Variants in MOCOS observed in about 807,000 individuals in gnomAD.
MOCOS encodes the protein molybdenum cofactor sulfurase.
MOCOS carries 86 observed loss-of-function variants against 83.6 expected under a neutral mutation model. The observed-to-expected ratio is 1.03, with a 90% CI of 0.86 to 1.23. The LOEUF is 1.23. Among genes scored for constraint, MOCOS ranks in the 50% most tolerant of loss-of-function variants. The pLI, the probability that MOCOS is intolerant of heterozygous loss-of-function variation, is 0.00. For missense variants in MOCOS, 1,120 were observed against 1,126.9 expected, an observed-to-expected ratio of 0.99 and a Z score of 0.09; for synonymous variants, 445 against 434.7, an observed-to-expected ratio of 1.02 and a Z score of -0.29.
intron 9 of MOCOS, among the ~76,000 whole-genome samples, chr18:36,245,190 T>C (rs1880373700): frequency 6.6e-6 from 1 of 152,084 alleles, no homozygotes; most frequent in Non-Finnish European, 1.5e-5. Flanking sequence ...TGAATACCTT[T>C]TTTTTATTGT....
chr18:36,228,554 A>G (rs2091526363), intron 9 of MOCOS, among the ~76,000 whole-genome samples: 1 of 152,228 alleles, frequency 6.6e-6, no homozygotes, highest in African/African-American at 2.4e-5. Context: ...GCTGGAGGCC[A>G]TTAGCCTTAG....
chr18:36,200,604 G>A (rs2091409848), intron 4 of MOCOS, among the ~76,000 whole-genome samples: 1 of 152,190 alleles, frequency 6.6e-6, no homozygotes, highest in Non-Finnish European at 1.5e-5. Flanking sequence ...AGAGATAAAA[G>A]GCCCTCATGG....
At position 36,215,894 on chromosome 18, in the gene MOCOS, G is replaced by T. The variant is rs1436601626; in HGVS notation, c.1714G>T (p.Ala572Ser). The T allele has an allele frequency of 1.2e-6, 2 of 1,614,066 alleles. No homozygotes were observed. The highest frequency in any genetic ancestry group is 1.7e-6 in the Non-Finnish European group (2 of 1,179,924). ...RTQPTPSEKA[A>S]GVLEGALGPH... ...CCAGCCGACTCCTTCAGAGAAAGCT[G>T]CAGGAGTCCTGGAGGGGGCCCTTGG... The change falls in exon 8 of 15, where the codon GCA becomes TCA. Residue 572 changes from alanine (A) to serine (S), a missense_variant. Transcript: ENST00000261326.
chr18:36,204,972 G>A (rs1295284726), intron 5 of MOCOS, 105 bp from the exon 6 acceptor site: 2 of 1,016,164 alleles, frequency 2.0e-6, no homozygotes, highest in African/African-American at 4.1e-5. Context: ...CAGCCTGGGT[G>A]ACAGAGTGAG....
intron 9 of MOCOS, among the ~76,000 whole-genome samples, chr18:36,241,192 A>C (rs535268429): frequency 6.6e-6 from 1 of 152,334 alleles, no homozygotes; most frequent in East Asian, 1.9e-4. Context: ...TCATTTCAGC[A>C]TTAACTCAAA....
At chr18:36,221,508 T>C (rs1335545625) in intron 9 of MOCOS, among the ~76,000 whole-genome samples, 1 of 152,208 alleles carries the variant, frequency 6.6e-6, no homozygotes, top group Non-Finnish European at 1.5e-5. Context: ...TCCTGAGTCT[T>C]ACTCCTCCTC....
intron 4 of MOCOS, among the ~76,000 whole-genome samples, chr18:36,201,327 G>A (rs549184482): frequency 1.3e-5 from 2 of 152,346 alleles, no homozygotes; most frequent in African/African-American, 4.8e-5. Flanking sequence ...GAGGGGACAT[G>A]TGACTTGTTC....
rs1246789036 is a variant in MOCOS at position 36,191,032 on chromosome 18, G to GAA, written c.142+3355_142+3356dup. 6.6e-4 allele frequency among the ~76,000 whole-genome samples: 84 copies of GAA among 126,774 alleles called. 2 individuals carry two copies. The highest frequency in any genetic ancestry group is 2.0e-3 in the African/African-American group (64 of 31,898). The allele number at this position is 126,774 out of a possible 152,430, so 83.2% of individuals were successfully genotyped here. A position where few individuals can be genotyped will look rare whatever the true frequency, so the allele number is the denominator to read the frequency against. ...AGACCCTATCTCTCAAAAAAAAAAA[G>GAA]AAAAAGAAAAAAAAGTGTGTAGCAC... On this transcript the variant is annotated intron_variant, in intron 1 of 14. Transcript: ENST00000261326.
intron 2 of MOCOS, among the ~76,000 whole-genome samples, chr18:36,197,461 T>TA (rs397707835): frequency 6.6e-6 from 1 of 150,646 alleles, no homozygotes; most frequent in Non-Finnish European, 1.5e-5. Context: ...TTTTTTTTTT[T>TA]AACTATATCA....
chr18:36,227,830 G>T (rs968606083), intron 9 of MOCOS, among the ~76,000 whole-genome samples: 1 of 152,166 alleles, frequency 6.6e-6, no homozygotes, highest in African/African-American at 2.4e-5. Flanking sequence ...AGCAAAAATT[G>T]ACAAATGGGA....
At chr18:36,225,899 G>A (rs1437986254) in intron 9 of MOCOS, among the ~76,000 whole-genome samples, 1 of 148,562 alleles carries the variant, frequency 6.7e-6, no homozygotes, top group African/African-American at 2.5e-5. Flanking sequence ...TCAGAAACTT[G>A]ATATGATTTC....
At chr18:36,200,599 T>G (rs543577158) in intron 4 of MOCOS, among the ~76,000 whole-genome samples, 3 of 152,170 alleles carry the variant, frequency 2.0e-5, no homozygotes, top group East Asian at 3.9e-4. Flanking sequence ...ACAGGAGAGA[T>G]AAAAGGCCCT....
At chr18:36,213,563 G>T in intron 7 of MOCOS, 81 bp downstream of exon 7, 1 of 1,114,594 alleles carries the variant, frequency 9.0e-7, no homozygotes, top group Non-Finnish European at 1.4e-6. Context: ...CTGGGGTGGG[G>T]GCTGCTGCTG....
chr18:36,257,257 T>A (rs1239320112), intron 12 of MOCOS, among the ~76,000 whole-genome samples, 184 bp downstream of exon 12: 1 of 152,218 alleles, frequency 6.6e-6, no homozygotes, highest in East Asian at 1.9e-4. Context: ...CATTCATCTT[T>A]ATAGAGGGTT....
At chr18:36,213,764 A>G (rs935009776) in intron 7 of MOCOS, among the ~76,000 whole-genome samples, 1 of 151,792 alleles carries the variant, frequency 6.6e-6, no homozygotes, top group South Asian at 2.1e-4. Context: ...CCCTGTCTCT[A>G]CTAAAGATGC....
At chr18:36,191,194 C>G (rs1198830175) in intron 1 of MOCOS, among the ~76,000 whole-genome samples, 1 of 152,024 alleles carries the variant, frequency 6.6e-6, no homozygotes, top group Non-Finnish European at 1.5e-5. Flanking sequence ...CCTATACAGC[C>G]TGTGCAACTG....
chr18:36,188,923 T>C (rs1184872301), intron 1 of MOCOS, among the ~76,000 whole-genome samples: 4 of 110,050 alleles, frequency 3.6e-5, no homozygotes. Flanking sequence ...GTATTCTCTC[T>C]CTCTCTCTCT....
At chr18:36,222,930 T>C (rs77923892) in intron 9 of MOCOS, among the ~76,000 whole-genome samples, 2,292 of 152,230 alleles carry the variant, frequency 0.015, 34 homozygotes, top group Middle Eastern at 0.027. Flanking sequence ...GGTTATTTGG[T>C]TTTCTGTTTG....
In MOCOS at chr18:36,220,090, A is replaced by T. The variant is rs1448429070; in HGVS notation, c.1833A>T (p.Leu611=). The change falls in exon 9 of 15, where the codon CTA becomes CTT. Residue 611 remains leucine (L), a synonymous_variant. Coordinates refer to ENST00000261326, the MANE Select transcript of MOCOS (RefSeq NM_017947.4). The part of the protein sequence containing the change: ...TRWPVGNQGL[L]YDRSWMVVNH... ...GGCCTGTAGGAAACCAAGGGCTGCT[A>T]TATGACCGGAGCTGGATGGTTGTGA... 2.5e-6 allele frequency: 4 copies of T among 1,613,754 alleles called. No homozygotes were observed. The highest frequency in any genetic ancestry group is 3.4e-6 in the Non-Finnish European group (4 of 1,180,030).
Sources: gnomAD v4.1 joint callset for allele counts (sites outside exome capture counted in the v4.1 genomes callset) on GRCh38, gnomAD v4.1.1 for gene constraint, MANE v1.5 for transcripts, NCBI Gene and HGNC (gene_info 2026-07-23, HGNC 2026-07-21) for gene names.